Variants in CDH13 observed in about 807,000 individuals in gnomAD.
The protein encoded by CDH13 is cadherin-13.
In CDH13, 24 loss-of-function variants were observed where a neutral mutation model predicts 63.8. The observed-to-expected ratio is 0.38, with a 90% CI of 0.27 to 0.53. The LOEUF (loss-of-function observed/expected upper bound fraction) is 0.53, where lower values mean the gene tolerates loss of function less well. CDH13 is among the 20% of genes least tolerant of loss of function. CDH13 has a pLI of 0.85. For synonymous variants in CDH13, 503 were observed against 355.3 expected (o/e 1.42, Z -4.67); for missense variants, 1,049 against 903.1 (o/e 1.16, Z -2.07).
chr16:83,027,101 G>GCCCCCCCCCC (rs1386342125), intron 2 of CDH13, among the ~76,000 whole-genome samples: 18 of 118,560 alleles, frequency 1.5e-4, no homozygotes, highest in African/African-American at 1.8e-4. Flanking sequence ...ACAGAAGGGA[G>GCCCCCCCCCC]ACCCCCCCCC....
intron 2 of CDH13, among the ~76,000 whole-genome samples, chr16:82,890,677 A>T (rs1291236336): frequency 2.0e-5 from 3 of 148,340 alleles, no homozygotes; most frequent in Non-Finnish European, 3.0e-5. Flanking sequence ...TCCAAGACTA[A>T]CTTTTGCTCT....
At chr16:83,222,623 G>A (rs2039729952) in intron 5 of CDH13, among the ~76,000 whole-genome samples, 1 of 152,088 alleles carries the variant, frequency 6.6e-6, no homozygotes, top group Non-Finnish European at 1.5e-5. Flanking sequence ...GCCCTCACTA[G>A]TAGGGACATG....
At chr16:83,067,226 G>A (rs1198795471) in intron 3 of CDH13, among the ~76,000 whole-genome samples, 2 of 152,170 alleles carry the variant, frequency 1.3e-5, no homozygotes, top group Admixed American at 6.5e-5. Flanking sequence ...GCAACTGACT[G>A]TATCTCTGAG....
intron 1 of CDH13, among the ~76,000 whole-genome samples, chr16:82,742,448 T>G (rs146883718): frequency 6.6e-6 from 1 of 152,320 alleles, no homozygotes; most frequent in Non-Finnish European, 1.5e-5. Context: ...TAACTGGGCT[T>G]GTGTGAGCTC....
chr16:83,262,367 CTT>C (rs1040103507), intron 5 of CDH13, among the ~76,000 whole-genome samples: 1 of 152,168 alleles, frequency 6.6e-6, no homozygotes, highest in African/African-American at 2.4e-5. Context: ...AGAGGAATCT[CTT>C]TTCCATGCTG....
intron 3 of CDH13, among the ~76,000 whole-genome samples, chr16:83,073,043 GC>G (rs1298235402): frequency 1.3e-5 from 2 of 152,198 alleles, no homozygotes; most frequent in Non-Finnish European, 2.9e-5. Flanking sequence ...TGTCCTAAGT[GC>G]TTGTGTTGAG....
chr16:83,003,894 T>C (rs1210053165), intron 2 of CDH13, among the ~76,000 whole-genome samples: 2 of 152,248 alleles, frequency 1.3e-5, no homozygotes, highest in Non-Finnish European at 2.9e-5. Flanking sequence ...TCACTTCTTT[T>C]ATATTCTCCT....
intron 1 of CDH13, among the ~76,000 whole-genome samples, chr16:82,692,422 C>A (rs2150978566): frequency 6.6e-6 from 1 of 152,286 alleles, no homozygotes; most frequent in South Asian, 2.1e-4. Flanking sequence ...GGAGCAAAGT[C>A]ATGTTTTGCA....
intron 3 of CDH13, among the ~76,000 whole-genome samples, chr16:83,033,695 T>C (rs1916590369): frequency 6.6e-6 from 1 of 152,164 alleles, no homozygotes; most frequent in Admixed American, 6.5e-5. Flanking sequence ...CAAACTGCCA[T>C]TCAGGCTTCC....
chr16:83,239,066 C>T (rs1335465856), intron 5 of CDH13, among the ~76,000 whole-genome samples: 1 of 152,232 alleles, frequency 6.6e-6, no homozygotes, highest in Non-Finnish European at 1.5e-5. Flanking sequence ...AGCTAACACT[C>T]ACTGTTGGTC....
chr16:83,770,327 G>A (rs1043339709), intron 11 of CDH13, among the ~76,000 whole-genome samples: 11 of 152,194 alleles, frequency 7.2e-5, no homozygotes, highest in African/African-American at 2.4e-4. Context: ...TTATGGACGG[G>A]GAAGTGCTTT....
At chr16:82,952,939 G>C (rs2151326003) in intron 2 of CDH13, among the ~76,000 whole-genome samples, 1 of 152,336 alleles carries the variant, frequency 6.6e-6, no homozygotes, top group South Asian at 2.1e-4. Context: ...GGACGGAGCA[G>C]GGTATAGAAG....
chr16:82,983,310 C>T (rs528356715), intron 2 of CDH13, among the ~76,000 whole-genome samples: 1 of 152,330 alleles, frequency 6.6e-6, no homozygotes, highest in Non-Finnish European at 1.5e-5. Flanking sequence ...TCTCCCCGCT[C>T]CTCCCAGCTT....
chr16:83,578,036 A>G (rs1420830568), intron 7 of CDH13, among the ~76,000 whole-genome samples: 1 of 152,218 alleles, frequency 6.6e-6, no homozygotes, highest in African/African-American at 2.4e-5. Flanking sequence ...TTTCCATGTC[A>G]TTAAATATTC....
At chr16:83,012,422 A>G (rs971189255) in intron 2 of CDH13, among the ~76,000 whole-genome samples, 1 of 147,674 alleles carries the variant, frequency 6.8e-6, no homozygotes, top group Non-Finnish European at 1.5e-5. Context: ...TAAAATCGCT[A>G]TTTTCCTACC....
chr16:83,553,285 AT>A (rs1424531457), intron 7 of CDH13, among the ~76,000 whole-genome samples: 1 of 152,182 alleles, frequency 6.6e-6, no homozygotes, highest in African/African-American at 2.4e-5. Context: ...TATATGAAGG[AT>A]TTTTTCCTGA....
At chr16:82,893,743 G>C (rs1254392207) in intron 2 of CDH13, among the ~76,000 whole-genome samples, 1 of 152,152 alleles carries the variant, frequency 6.6e-6, no homozygotes, top group Non-Finnish European at 1.5e-5. Context: ...ACACCTATTA[G>C]CTCGCTTACG....
At chr16:83,084,007 C>T (rs1815098546) in intron 3 of CDH13, among the ~76,000 whole-genome samples, 3 of 152,190 alleles carry the variant, frequency 2.0e-5, no homozygotes, top group Admixed American at 2.0e-4. Context: ...TAGAAAGCTG[C>T]TGTGGACCTA....
intron 1 of CDH13, among the ~76,000 whole-genome samples, chr16:82,835,677 G>A (rs1037320868): frequency 6.6e-6 from 1 of 152,138 alleles, no homozygotes; most frequent in Non-Finnish European, 1.5e-5. Flanking sequence ...TTGATCAGCG[G>A]CCTCCCTGCT....
Sources: gnomAD v4.1 joint callset for allele counts (sites outside exome capture counted in the v4.1 genomes callset) on GRCh38, gnomAD v4.1.1 for gene constraint, MANE v1.5 for transcripts, NCBI Gene and HGNC (gene_info 2026-07-23, HGNC 2026-07-21) for gene names.